The following TSPAN33 variants were observed in gnomAD, a reference collection of about 807,000 sequenced individuals.
TSPAN33 encodes tetraspanin 33.
In TSPAN33, 27 loss-of-function variants were observed where a neutral mutation model predicts 34.8. The observed-to-expected ratio is 0.78, with a 90% CI of 0.57 to 1.07. The LOEUF is 1.07. Among genes scored for constraint, TSPAN33 ranks in the 50% least tolerant of loss-of-function variants. The pLI, the probability that TSPAN33 is intolerant of heterozygous loss-of-function variation, is 0.00. For synonymous variants in TSPAN33, 119 were observed against 124.2 expected (o/e 0.96, Z 0.28); for missense variants, 272 against 324.9 (o/e 0.84, Z 1.25).
At chr7:129,166,662 C>A in intron 5 of TSPAN33, 116 bp from the exon 6 acceptor site, 2 of 1,343,262 alleles carry the variant, frequency 1.5e-6, no homozygotes, top group Non-Finnish European at 2.0e-6. Context: ...TGTTAAAACA[C>A]AACCTAAAGT....
In TSPAN33 at chr7:129,148,264, TCAGCC is replaced by T. The variant is rs1038688832; in HGVS notation, c.102+3186_102+3190del. On this transcript the variant is annotated intron_variant, in intron 1 of 7. Coordinates refer to ENST00000486685, the MANE Select transcript of TSPAN33 (RefSeq NM_178562.5). The surrounding 1 kb of genome is among the most constrained non-coding windows in gnomAD (Gnocchi z 4.2). ...AGCTCAGACCTCCAGCCCCTGTGTC[TCAGCC>T]CAGGCTTCCCTAGCAGCCATGCCTC... Among the ~76,000 whole-genome samples, 10 of 152,198 alleles carry T rather than the reference TCAGCC, an allele frequency of 6.6e-5. No homozygotes were observed. Among genetic ancestry groups the T allele is most frequent in the Non-Finnish European group, 1.5e-5 (1 of 68,036 alleles).
Position 129,169,001 on chromosome 7 carries a change from G to C in TSPAN33, c.*1127G>C, listed in dbSNP as rs527252540. Among the ~76,000 whole-genome samples, 14 of 152,080 alleles carry C rather than the reference G, an allele frequency of 9.2e-5. No individual in the cohort carries two copies. The highest frequency in any genetic ancestry group is 5.9e-5 in the Non-Finnish European group (4 of 68,014). ...TGCATTGCCACCCTCCCACAGCCTCGCCCTCTGCTCTAAATTAGGTCGAAA... is the reference window on the plus strand; with the variant it reads ...TGCATTGCCACCCTCCCACAGCCTCCCCCTCTGCTCTAAATTAGGTCGAAA... On this transcript the variant is annotated 3_prime_UTR_variant, in exon 8 of 8. Coordinates refer to ENST00000486685, the MANE Select transcript of TSPAN33 (RefSeq NM_178562.5).
chr7:129,162,298 C>T (rs1057143205), intron 2 of TSPAN33, 96 bp from the exon 3 acceptor site: 8 of 1,537,852 alleles, frequency 5.2e-6, no homozygotes, highest in South Asian at 4.7e-5. Context: ...GATTCCCCCA[C>T]CAGGGGAAGG....
At chr7:129,164,383 A>G in intron 4 of TSPAN33, 91 bp from the exon 5 acceptor site, 1 of 1,150,870 alleles carries the variant, frequency 8.7e-7, no homozygotes, top group Admixed American at 1.7e-5. Flanking sequence ...CTCAGTTAAG[A>G]AGGATGATCC....
chr7:129,145,148 G>C (rs1563134521), intron 1 of TSPAN33, 66 bp downstream of exon 1: 1 of 589,744 alleles, frequency 1.7e-6, no homozygotes, highest in Non-Finnish European at 3.1e-6. Context: ...GGTGGCCCGG[G>C]GTGCCCCACG....
chr7:129,156,274 A>C (rs1040031045), intron 1 of TSPAN33, among the ~76,000 whole-genome samples: 1 of 152,200 alleles, frequency 6.6e-6, no homozygotes, highest in Non-Finnish European at 1.5e-5. Flanking sequence ...ATATCATATC[A>C]TACAAGTGAT....
In TSPAN33 at chr7:129,167,481, G is replaced by C. The variant is rs1295830098; in HGVS notation, c.671G>C (p.Cys224Ser). 1 of 1,614,110 alleles carries C rather than the reference G, an allele frequency of 6.2e-7. No individual in the cohort carries two copies. Among genetic ancestry groups the C allele is most frequent in the African/African-American group, 1.3e-5 (1 of 74,944 alleles). Residue 224 changes from cysteine to serine, a missense_variant, in exon 7 of 8, where the codon TGT becomes TCT. Transcript: ENST00000486685. The surrounding 1 kb of genome is among the most constrained non-coding windows in gnomAD (Gnocchi z 4.6). ...AGCAAAGTCATCTACACCAATGGCTGTATTGACAAGTTGGTCAACTGGATA... is the reference window on the plus strand; with the variant it reads ...AGCAAAGTCATCTACACCAATGGCTCTATTGACAAGTTGGTCAACTGGATA... ...EASKVIYTNG[C>S]IDKLVNWIHS...
At position 129,167,733 on chromosome 7, in the gene TSPAN33, A is replaced by G. The variant is rs1388890479; in HGVS notation, c.751-40A>G. On this transcript the variant is annotated intron_variant, in intron 7 of 7. Coordinates refer to ENST00000486685, the MANE Select transcript of TSPAN33 (RefSeq NM_178562.5). This position sits in a 1 kb window ranked among gnomAD's most constrained non-coding sequence, Gnocchi z 4.6. ...TCGAGCCAGGGAAAACAAGGCCATC[A>G]CTCACTGCTGAGTGCCCAATTCCTT... 2 of 1,603,960 alleles carry G rather than the reference A, an allele frequency of 1.2e-6. No homozygotes were observed.
chr7:129,157,860 G>A (rs1206459804), intron 1 of TSPAN33, among the ~76,000 whole-genome samples: 1 of 152,210 alleles, frequency 6.6e-6, no homozygotes, highest in African/African-American at 2.4e-5. Flanking sequence ...TTAGTTTCCT[G>A]TTGCTGCTGT....
In TSPAN33 at chr7:129,168,019, A is replaced by C; in HGVS notation, c.*145A>C. On this transcript the variant is annotated 3_prime_UTR_variant, in exon 8 of 8. Coordinates refer to ENST00000486685, the MANE Select transcript of TSPAN33 (RefSeq NM_178562.5). ...GGGAAGAAGCAAACTCCAGATGGGC[A>C]GAAGGCAGGGTGCACAGGTGGCTCC... The C allele has an allele frequency of 6.8e-7, 1 of 1,462,980 alleles. No homozygotes were observed. The highest frequency in any genetic ancestry group is 9.0e-7 in the Non-Finnish European group (1 of 1,109,994). 90.6% of individuals were successfully genotyped at this position (1,462,980 alleles called of 1,614,324 possible).
rs752307418 is a variant in TSPAN33, at chr7:129,162,526, G to A, written c.288+5G>A. 1.2e-6 allele frequency: 2 copies of A among 1,611,902 alleles called. No homozygotes were observed. Among genetic ancestry groups the A allele is most frequent in the South Asian group, 1.1e-5 (1 of 91,084 alleles). ...AACATCTGCCTCCTGCAGACGGTGA[G>A]TGGTCAAGGCCCCACTGGAAAGACC... On this transcript the variant is annotated splice_donor_5th_base_variant and intron_variant, in intron 3 of 7. Transcript: ENST00000486685.
chr7:129,149,662 C>A (rs937409233), intron 1 of TSPAN33, among the ~76,000 whole-genome samples: 2 of 86,684 alleles, frequency 2.3e-5, no homozygotes, highest in Non-Finnish European at 5.4e-5. Context: ...TTACTGCAAG[C>A]CCTTGCAGAC....
At chr7:129,163,053 T>C (rs149194697) in intron 4 of TSPAN33, 146 bp downstream of exon 4, 985 of 689,920 alleles carry the variant, frequency 1.4e-3, no homozygotes, top group Non-Finnish European at 2.0e-3. Context: ...GGTGAATGAA[T>C]AGCCTGTAAA....
At position 129,162,660 on chromosome 7, in the gene TSPAN33, G is replaced by A. The variant is rs952162948; in HGVS notation, c.288+139G>A. 2.6e-5 allele frequency: 39 copies of A among 1,483,540 alleles called. No individual in the cohort carries two copies. The Admixed American group carries it at 2.9e-4, about 11-fold the overall frequency. 91.9% of individuals were successfully genotyped at this position (1,483,540 alleles called of 1,614,324 possible). A position where few individuals can be genotyped will look rare whatever the true frequency, so the allele number is the denominator to read the frequency against. On this transcript the variant is annotated intron_variant, in intron 3 of 7. Coordinates refer to ENST00000486685, the MANE Select transcript of TSPAN33 (RefSeq NM_178562.5). ...CACCCCTCAGTGCAGAGCTTAGCCC[G>A]GGTGACCCAGCACAGGGTGGCCACC...
chr7:129,162,713 C>A, intron 3 of TSPAN33, 120 bp from the exon 4 acceptor site: 1 of 1,414,004 alleles, frequency 7.1e-7, no homozygotes, highest in South Asian at 1.3e-5. Context: ...GAGGCAGCTG[C>A]CTTTCTCATG....
At chr7:129,161,584 A>G in intron 1 of TSPAN33, 95 bp from the exon 2 acceptor site, 1 of 1,212,372 alleles carries the variant, frequency 8.2e-7, no homozygotes, top group Non-Finnish European at 1.2e-6. Flanking sequence ...GTCCCAGGAA[A>G]GCAGTCCTTC....
chr7:129,162,221 C>T (rs1022666244), intron 2 of TSPAN33, among the ~76,000 whole-genome samples, 173 bp from the exon 3 acceptor site: 1 of 152,216 alleles, frequency 6.6e-6, no homozygotes, highest in Non-Finnish European at 1.5e-5. Flanking sequence ...CCCTTCTGGG[C>T]CCTTTTTGGT....
Position 129,144,939 on chromosome 7 carries a change from G to T in TSPAN33, c.-42G>T, listed in dbSNP as rs779272734. 1.1e-4 allele frequency: 54 copies of T among 496,800 alleles called. 1 individual carries two copies. The highest frequency in any genetic ancestry group is 9.4e-4 in the African/African-American group (45 of 47,862). The allele number at this position is 496,800 out of a possible 1,614,324, so 30.8% of individuals were successfully genotyped here. A position where few individuals can be genotyped will look rare whatever the true frequency, so the allele number is the denominator to read the frequency against. ...GGGGCACACAGGCCGGCCGGCAGCC[G>T]CTGGGAAATAGGCCCCCGGGGGCGG... On this transcript the variant is annotated 5_prime_UTR_variant, in exon 1 of 8. Transcript: ENST00000486685.
chr7:129,154,982 C>T (rs561568880), intron 1 of TSPAN33, among the ~76,000 whole-genome samples: 2 of 152,224 alleles, frequency 1.3e-5, no homozygotes, highest in African/African-American at 4.8e-5. Flanking sequence ...GCACTATTCA[C>T]AATAGCCAAG....
Sources: gnomAD v4.1 joint callset for allele counts (sites outside exome capture counted in the v4.1 genomes callset) on GRCh38, gnomAD v4.1.1 for gene constraint, Gnocchi (gnomAD v3.1) non-coding constraint, MANE v1.5 for transcripts, NCBI Gene and HGNC (gene_info 2026-07-23, HGNC 2026-07-21) for gene names.